The following ZNF394 variants were observed in gnomAD, a reference collection of about 807,000 sequenced individuals.
The protein encoded by ZNF394 is zinc finger protein 99.
ZNF394 carries 19 observed loss-of-function variants against 21.8 expected under a neutral mutation model. The ratio of observed to expected loss-of-function variants is 0.87; its 90% CI spans 0.61 to 1.28. The LOEUF (loss-of-function observed/expected upper bound fraction) is 1.28, where lower values mean the gene tolerates loss of function less well. ZNF394 is among the 50% of genes most tolerant of loss of function. ZNF394 has a pLI of 0.00. For missense variants in ZNF394, 683 were observed against 708.6 expected (o/e 0.96, Z 0.41); for synonymous variants, 294 against 273.3 (o/e 1.08, Z -0.75).
downstream of ZNF394, among the ~76,000 whole-genome samples, chr7:99,491,983 G>A (rs1800171748): frequency 6.7e-6 from 1 of 149,674 alleles, no homozygotes; most frequent in South Asian, 2.1e-4. Flanking sequence ...TGAGGCAGAA[G>A]AATGGCATGA....
downstream of ZNF394, among the ~76,000 whole-genome samples, chr7:99,489,866 G>T (rs1353832032): frequency 1.3e-5 from 2 of 152,024 alleles, no homozygotes; most frequent in African/African-American, 4.8e-5. Flanking sequence ...TTTGCCGGGC[G>T]TGGTGGTGGG....
chr7:99,487,564 C>G, intron 1 of ZNF394: 1 of 1,488,456 alleles, frequency 6.7e-7, no homozygotes, highest in African/African-American at 1.4e-5. Context: ...GTAATTGTTT[C>G]CATGAAAAGC....
chr7:99,498,800 C>G lies in ZNF394; in HGVS notation c.499G>C (p.Glu167Gln). ...GCTGGGTCCAGGCGCTCCCACTCCT[C>G]CCAGGTTAGAGACACAGCCGTGTCC... ...FEDTAVSLTW[E>Q]EWERLDPARR... Residue 167 changes from glutamate (E) to glutamine (Q), a missense_variant, in exon 2 of 3, where the codon GAG becomes CAG. Coordinates refer to ENST00000337673, the MANE Select transcript of ZNF394 (RefSeq NM_032164.4). 1.2e-5 allele frequency: 19 copies of G among 1,614,106 alleles called. No homozygotes were observed. The highest frequency in any genetic ancestry group is 1.6e-5 in the Non-Finnish European group (19 of 1,180,000).
In ZNF394 at chr7:99,498,775, G is replaced by A. The variant is rs1466170208; in HGVS notation, c.524C>T (p.Ala175Val). The A allele has an allele frequency of 6.2e-7, 1 of 1,614,058 alleles. No individual in the cohort carries two copies. The highest frequency in any genetic ancestry group is 1.1e-5 in the South Asian group (1 of 91,082). ...TWEEWERLDP[A>V]RRDFCRESAQ... is the part of the protein sequence containing the mutation. The stretch of plus-strand genomic sequence containing the variant: ...ACTCTCTCTGCAGAAGTCCCTCCGT[G>A]CTGGGTCCAGGCGCTCCCACTCCTC... The change falls in exon 2 of 3, where the codon GCA (alanine) becomes GTA (valine). Residue 175 changes from alanine to valine, a missense_variant. Ala to Val is a moderately conservative substitution (Grantham distance 64). Transcript: ENST00000337673.
intron 1 of ZNF394, chr7:99,487,534 C>T (rs767794051): frequency 2.6e-6 from 4 of 1,557,872 alleles, no homozygotes; most frequent in South Asian, 2.4e-5. Context: ...TTATAAACCT[C>T]TACTTCAAGT....
At chr7:99,488,270 C>T (rs1011598639), downstream of ZNF394, among the ~76,000 whole-genome samples, 9 of 151,800 alleles carry the variant, frequency 5.9e-5, no homozygotes, top group Admixed American at 1.3e-4. Context: ...AGTATGGTGT[C>T]GCATGTCTGT....
intron 1 of ZNF394, chr7:99,487,144 C>T (rs751182610): frequency 1.1e-5 from 18 of 1,614,138 alleles, no homozygotes; most frequent in South Asian, 5.5e-5. Flanking sequence ...TGGAGAAAAA[C>T]GCCATAAATG....
intron 1 of ZNF394, among the ~76,000 whole-genome samples, chr7:99,499,398 GAA>G (rs376340266): frequency 4.8e-5 from 5 of 103,374 alleles, no homozygotes; most frequent in East Asian, 2.6e-4. Context: ...AGAACAACAA[GAA>G]AAAAAAAAAA....
chr7:99,493,813 G>T lies in ZNF394; in HGVS notation c.1402C>A (p.Pro468Thr), dbSNP rs755806041. ...RHQRLHKGER[P>T]YKCEECEKSF... ...TTCTCGCATTCTTCACACTTATAGG[G>T]TCTTTCCCCTTTATGTAGTCTCTGA... Residue 468 changes from proline to threonine, a missense_variant, in exon 3 of 3, where the codon CCC becomes ACC. Pro to Thr is a conservative substitution (Grantham distance 38). Coordinates refer to ENST00000337673, the MANE Select transcript of ZNF394 (RefSeq NM_032164.4). 6.2e-7 allele frequency: 1 copy of T among 1,614,096 alleles called. No individual in the cohort carries two copies. Among genetic ancestry groups the T allele is most frequent in the Non-Finnish European group, 8.5e-7 (1 of 1,180,024 alleles).
In ZNF394 at chr7:99,497,114, GTGTGTGTGTA is replaced by G. The variant is rs1354920436; in HGVS notation, c.583+1592_583+1601del. Among the ~76,000 whole-genome samples, 517 of 116,584 alleles carry G rather than the reference GTGTGTGTGTA, an allele frequency of 4.4e-3. 5 individuals carry two copies. Among genetic ancestry groups the G allele is most frequent in the Non-Finnish European group, 5.8e-3 (364 of 62,506 alleles). The allele number at this position is 116,584 out of a possible 152,430, so 76.5% of individuals were successfully genotyped here. A position where few individuals can be genotyped will look rare whatever the true frequency, so the allele number is the denominator to read the frequency against. On this transcript the variant is annotated intron_variant, in intron 2 of 2. Transcript: ENST00000337673. ...TGTGTGTGTGTGTGTGTGTGTGTGT[GTGTGTGTGTA>G]TATATATATATATATATGTATATAT... is the stretch of plus-strand genomic sequence containing the variant.
chr7:99,492,818 G>T (rs1281339416), downstream of ZNF394, among the ~76,000 whole-genome samples: 9 of 151,300 alleles, frequency 5.9e-5, no homozygotes, highest in South Asian at 1.7e-3. Flanking sequence ...TGGGTGTGGT[G>T]GTGTGTGCCT....
At chr7:99,488,349 C>T (rs1350477585), downstream of ZNF394, among the ~76,000 whole-genome samples, 4 of 151,274 alleles carry the variant, frequency 2.6e-5, no homozygotes, top group Non-Finnish European at 5.9e-5. Context: ...GCCTGGCCAA[C>T]ATGGTGAAAC....
chr7:99,494,349 C>T lies in ZNF394; in HGVS notation c.866G>A (p.Ser289Asn). Residue 289 changes from serine (S) to asparagine (N), a missense_variant, in exon 3 of 3, where the codon AGT (serine) becomes AAT (asparagine). This residue lies in a region of ZNF394 where 402 missense variants were observed against 373.8 expected (regional missense o/e 1.08). Coordinates refer to ENST00000337673, the MANE Select transcript of ZNF394 (RefSeq NM_032164.4). Reference sequence around the variant, plus strand: ...TAGAACAAGGTTGGAACACCTGGCACTGTTCTGCAATTCATTATTTTTAGA... The same window carrying T: ...TAGAACAAGGTTGGAACACCTGGCATTGTTCTGCAATTCATTATTTTTAGA... ...EDSKNNELQN[S>N]ARCSNLVLCQ... 6.2e-7 allele frequency: 1 copy of T among 1,614,218 alleles called. No homozygotes were observed. The highest frequency in any genetic ancestry group is 8.5e-7 in the Non-Finnish European group (1 of 1,180,050).
In ZNF394 at chr7:99,494,634, G is replaced by T; in HGVS notation, c.584-3C>A. ...GTTCTCCACTCTGCTTTCCAAACCT[G>T]AAACGTGAAAATACAAATTCCTGCC... is the stretch of plus-strand genomic sequence containing the variant. On this transcript the variant is annotated splice_polypyrimidine_tract_variant and splice_region_variant and intron_variant, in intron 2 of 2. Coordinates refer to ENST00000337673, the MANE Select transcript of ZNF394 (RefSeq NM_032164.4). 1 of 1,566,458 alleles carries T rather than the reference G, an allele frequency of 6.4e-7. No homozygotes were observed. The highest frequency in any genetic ancestry group is 8.6e-7 in the Non-Finnish European group (1 of 1,159,728).
intron 2 of ZNF394, among the ~76,000 whole-genome samples, chr7:99,496,142 G>A (rs1269098694): frequency 1.3e-5 from 2 of 151,800 alleles, no homozygotes; most frequent in African/African-American, 4.8e-5. Context: ...TATTTTAGTA[G>A]GTATTATAGT....
rs1266711137 is a variant in ZNF394, at chr7:99,499,724, C to T, written c.370G>A (p.Val124Met). 2 of 1,613,998 alleles carry T rather than the reference C, an allele frequency of 1.2e-6. No individual in the cohort carries two copies. Among genetic ancestry groups the T allele is most frequent in the East Asian group, 2.2e-5 (1 of 44,886 alleles). ...CCGCTCTCTGGGCAGTGCTCTCGCA[C>T]CCAGGCTTGAAGCTCCTCGGGCAGG... The part of the protein sequence containing the change: ...TILPEELQAW[V>M]REHCPESGEE... Residue 124 changes from valine to methionine, a missense_variant, in exon 1 of 3, where the codon GTG (valine) becomes ATG (methionine). Val to Met is a conservative substitution (Grantham distance 21). Transcript: ENST00000337673.
At chr7:99,486,545 A>G (rs796390656) in exon 2 of ZNF394, 5 of 1,614,116 alleles carry the variant, frequency 3.1e-6, no homozygotes, top group Admixed American at 1.7e-5. Context: ...TTAGAGTCAT[A>G]TAAGATATCA....
At chr7:99,497,118 G>GTATATATA (rs755158094) in intron 2 of ZNF394, among the ~76,000 whole-genome samples, 22 of 97,148 alleles carry the variant, frequency 2.3e-4, no homozygotes, top group African/African-American at 9.6e-4. Context: ...GTGTGTGTGT[G>GTATATATA]TGTGTATATA....
chr7:99,494,502 G>C lies in ZNF394; in HGVS notation c.713C>G (p.Thr238Ser). Residue 238 changes from threonine (T) to serine (S), a missense_variant, in exon 3 of 3, where the codon ACC becomes AGC. By Grantham distance (58) the Thr-to-Ser change is moderately conservative. Transcript: ENST00000337673. ...KRPLFSKCGS[T>S]HEDRVEKQSG... ...CTGCTTTTCCACCCTGTCCTCATGG[G>C]TACTGCCACACTTAGAAAACAGGGG... 6.2e-7 allele frequency: 1 copy of C among 1,613,734 alleles called. No individual in the cohort carries two copies. The highest frequency in any genetic ancestry group is 8.5e-7 in the Non-Finnish European group (1 of 1,180,036).
Sources: gnomAD v4.1 joint callset for allele counts (sites outside exome capture counted in the v4.1 genomes callset) on GRCh38, gnomAD v4.1.1 for gene constraint, gnomAD v4.1.1 regional missense constraint, MANE v1.5 for transcripts, NCBI Gene and HGNC (gene_info 2026-07-23, HGNC 2026-07-21) for gene names.